The following ARHGEF10L variants were observed in gnomAD, a reference collection of about 807,000 sequenced individuals.
ARHGEF10L encodes the protein Rho guanine nucleotide exchange factor 10 like, also known as rho guanine nucleotide exchange factor 10-like protein.
Under a neutral mutation model 141.2 loss-of-function variants are expected in ARHGEF10L, and 69 were observed. The observed-to-expected ratio is 0.49, with a 90% confidence interval of 0.40 to 0.60. The LOEUF is 0.60. Among genes scored for constraint, ARHGEF10L ranks in the 20% least tolerant of loss-of-function variants. ARHGEF10L has a pLI of 0.00. For synonymous variants in ARHGEF10L, 711 were observed against 718.5 expected, an observed-to-expected ratio of 0.99 and a Z score of 0.17; for missense variants, 1,482 against 1,734.3, an observed-to-expected ratio of 0.85 and a Z score of 2.58.
intron 6 of ARHGEF10L, among the ~76,000 whole-genome samples, chr1:17,606,914 C>T (rs1260224488): frequency 6.6e-6 from 1 of 152,192 alleles, no homozygotes; most frequent in African/African-American, 2.4e-5. Flanking sequence ...TGCCCTGGCC[C>T]TTGTGGGACC....
chr1:17,515,710 A>G, the ARHGEF10L span, among the ~76,000 whole-genome samples: 1 of 151,160 alleles, frequency 6.6e-6, no homozygotes, highest in African/African-American at 2.4e-5. Context: ...TGATACAATC[A>G]TGGCTTATTG....
Position 17,605,078 on chromosome 1 carries a change from TG to T in ARHGEF10L, c.433+1489del, listed in dbSNP as rs1309188207. Among the ~76,000 whole-genome samples the T allele has an allele frequency of 1.6e-4, 25 of 151,922 alleles. 1 individual carries two copies. The highest frequency in any genetic ancestry group is 1.4e-3 in the Admixed American group (21 of 15,256). On this transcript the variant is annotated intron_variant, in intron 6 of 28. Coordinates refer to ENST00000361221, the MANE Select transcript of ARHGEF10L (RefSeq NM_018125.4). The stretch of plus-strand genomic sequence containing the variant: ...AGGCTGCACAAAGCTCAGTGCAGGG[TG>T]GAGTTTTGGAGATGCTTTTCACACA...
intron 19 of ARHGEF10L, 124 bp downstream of exon 19, chr1:17,638,127 G>A: frequency 2.3e-6 from 2 of 873,722 alleles, no homozygotes; most frequent in African/African-American, 3.4e-5. Context: ...CCTAGCTTCT[G>A]AGCTCCTGTT....
upstream of ARHGEF10L, among the ~76,000 whole-genome samples, chr1:17,539,081 G>C (rs1388738341): frequency 6.6e-6 from 1 of 152,240 alleles, no homozygotes; most frequent in Admixed American, 6.5e-5. The surrounding 1 kb of genome is among the most constrained non-coding windows in gnomAD (Gnocchi z 6.0). Context: ...TCAGTTCTGA[G>C]CCTCAGTTTT....
intron 7 of ARHGEF10L, among the ~76,000 whole-genome samples, chr1:17,611,428 T>G (rs958877830): frequency 6.6e-6 from 1 of 152,166 alleles, no homozygotes; most frequent in Non-Finnish European, 1.5e-5. Flanking sequence ...TGGTCAGTAT[T>G]ATTGTCCTTA....
rs1296521019 is a variant in ARHGEF10L, at chr1:17,621,425, G to A, written c.943-439G>A. Reference sequence around the variant, plus strand: ...TTTTTGTATTTTTACTAGAGACAGGGTTTCACCATGTTGGCCAGGCTGGTT... The same window carrying A: ...TTTTTGTATTTTTACTAGAGACAGGATTTCACCATGTTGGCCAGGCTGGTT... On this transcript the variant is annotated intron_variant, in intron 10 of 28. Transcript: ENST00000361221. The surrounding 1 kb of genome is among the most constrained non-coding windows in gnomAD (Gnocchi z 4.1). Among the ~76,000 whole-genome samples, 1 of 152,128 alleles carries A rather than the reference G, an allele frequency of 6.6e-6. No homozygotes were observed. Among genetic ancestry groups the A allele is most frequent in the East Asian group, 1.9e-4 (1 of 5,186 alleles).
intron 4 of ARHGEF10L, among the ~76,000 whole-genome samples, chr1:17,601,005 G>A (rs1215426558): frequency 7.1e-6 from 1 of 141,436 alleles, no homozygotes. Context: ...AGCCGAGATC[G>A]CACCACCGCC....
rs568527127 is a variant in ARHGEF10L, at chr1:17,562,476, G to A, written c.-43-18077G>A. Among the ~76,000 whole-genome samples the A allele has an allele frequency of 9.8e-5, 15 of 152,300 alleles. No homozygotes were observed. In the South Asian group the frequency reaches 1.2e-3, roughly 13 times the overall value. On this transcript the variant is annotated intron_variant, in intron 1 of 28. Transcript: ENST00000361221. Reference sequence around the variant, plus strand: ...GGGCCCTGGATATCCACCTCATAGCGTTGTGAGGATCACGTGAAATAACAC... The same window carrying A: ...GGGCCCTGGATATCCACCTCATAGCATTGTGAGGATCACGTGAAATAACAC...
intron 1 of ARHGEF10L, among the ~76,000 whole-genome samples, chr1:17,551,326 C>T (rs28441344): frequency 4.2e-5 from 6 of 141,606 alleles, no homozygotes; most frequent in Non-Finnish European, 6.1e-5. Context: ...GAAGGGTGGG[C>T]GGTGCCTGAT....
At chr1:17,577,042 G>GTTTA (rs541891424) in intron 1 of ARHGEF10L, among the ~76,000 whole-genome samples, 2 of 152,126 alleles carry the variant, frequency 1.3e-5, no homozygotes, top group South Asian at 2.1e-4. Context: ...AATGGTTATT[G>GTTTA]TTTATTTATT....
chr1:17,694,991 C>A, intron 27 of ARHGEF10L, 167 bp from the exon 28 acceptor site: 1 of 975,022 alleles, frequency 1.0e-6, no homozygotes, highest in Non-Finnish European at 1.6e-6. Context: ...GGCCAGACCC[C>A]AGGCAGGTCA....
chr1:17,524,019 A>G, the ARHGEF10L span, among the ~76,000 whole-genome samples: 191 of 152,300 alleles, frequency 1.3e-3, no homozygotes, highest in African/African-American at 4.5e-3. Flanking sequence ...CATGCCTATA[A>G]TCCCAGCACT....
At chr1:17,596,439 T>G (rs1275519726) in intron 4 of ARHGEF10L, among the ~76,000 whole-genome samples, 1 of 152,230 alleles carries the variant, frequency 6.6e-6, no homozygotes, top group Non-Finnish European at 1.5e-5. Flanking sequence ...CAGCTTGGGT[T>G]TTCCTTGAGG....
Position 17,687,639 on chromosome 1 carries a change from G to A in ARHGEF10L, c.3076G>A (p.Val1026Ile), listed in dbSNP as rs761811345. 4.1e-5 allele frequency: 66 copies of A among 1,612,804 alleles called. No individual in the cohort carries two copies. Among genetic ancestry groups the A allele is most frequent in the African/African-American group, 1.9e-4 (14 of 74,896 alleles). The change falls in exon 27 of 29, where the codon GTC (valine) becomes ATC (isoleucine). Residue 1026 changes from valine (V) to isoleucine (I), a missense_variant. Physicochemically the swap from Val to Ile is conservative, Grantham distance 29. This residue lies in a region of ARHGEF10L where 858 missense variants were observed against 966.3 expected (regional missense o/e 0.89). Coordinates refer to ENST00000361221, the MANE Select transcript of ARHGEF10L (RefSeq NM_018125.4). ...ACACATGGTGAAGGCGGGCAGCGGC[G>A]TCTGGATGGCCTTCTCCTCCGGCAC... ...VTHMVKAGSG[V>I]WMAFSSGTSI...
chr1:17,638,400 C>T (rs1049287164), intron 19 of ARHGEF10L, among the ~76,000 whole-genome samples, 162 bp from the exon 20 acceptor site: 1 of 152,210 alleles, frequency 6.6e-6, no homozygotes, highest in Non-Finnish European at 1.5e-5. Flanking sequence ...TGGGGCATGG[C>T]GAGTTGGCCT....
chr1:17,660,651 T>C (rs1458268333), intron 25 of ARHGEF10L, among the ~76,000 whole-genome samples: 1 of 152,186 alleles, frequency 6.6e-6, no homozygotes, highest in Non-Finnish European at 1.5e-5. Context: ...CCAGGGGCTT[T>C]CTCCACTGCT....
intron 27 of ARHGEF10L, among the ~76,000 whole-genome samples, chr1:17,690,313 A>G (rs2065004585): frequency 6.6e-6 from 1 of 152,204 alleles, no homozygotes; most frequent in African/African-American, 2.4e-5. Context: ...TCTGACTGGG[A>G]GCACTCAGAG....
intron 21 of ARHGEF10L, among the ~76,000 whole-genome samples, chr1:17,646,430 C>G (rs2061603800): frequency 6.6e-6 from 1 of 152,174 alleles, no homozygotes; most frequent in Admixed American, 6.5e-5. Context: ...TTGTTCATAT[C>G]CCTAAATGTA....
intron 1 of ARHGEF10L, among the ~76,000 whole-genome samples, chr1:17,559,324 T>A (rs971301035): frequency 6.6e-6 from 1 of 152,100 alleles, no homozygotes; most frequent in Non-Finnish European, 1.5e-5. Context: ...TGTGGAGCTT[T>A]GGAGGCAGCC....
Sources: gnomAD v4.1 joint callset for allele counts (sites outside exome capture counted in the v4.1 genomes callset) on GRCh38, gnomAD v4.1.1 for gene constraint, gnomAD v4.1.1 regional missense constraint, Gnocchi (gnomAD v3.1) non-coding constraint, MANE v1.5 for transcripts, NCBI Gene and HGNC (gene_info 2026-07-23, HGNC 2026-07-21) for gene names.